AK5: variants seen among roughly 807,000 people sequenced by gnomAD.
AK5 encodes adenylate kinase isoenzyme 5.
In AK5, 27 loss-of-function variants were observed where a neutral mutation model predicts 69.5. The ratio of observed to expected loss-of-function variants is 0.39; its 90% CI spans 0.29 to 0.54. AK5 has a LOEUF of 0.54. AK5 is among the 20% of genes least tolerant of loss of function. The probability of loss-of-function intolerance (pLI) is 0.71; values close to 1 mark genes in which losing one functional copy is unlikely to be tolerated. For missense variants in AK5, 531 were observed against 700.4 expected (o/e 0.76, Z 2.73); for synonymous variants, 260 against 244.4 (o/e 1.06, Z -0.60).
At chr1:77,495,034 G>A (rs1226700572) in intron 10 of AK5, among the ~76,000 whole-genome samples, 2 of 151,862 alleles carry the variant, frequency 1.3e-5, no homozygotes, top group African/African-American at 4.8e-5. Flanking sequence ...TGCCTGCCTC[G>A]GCCTCCTGAA....
intron 5 of AK5, among the ~76,000 whole-genome samples, chr1:77,300,210 C>T (rs777225526): frequency 1.3e-5 from 2 of 152,198 alleles, no homozygotes; most frequent in Admixed American, 1.3e-4. Context: ...TACATCTTCT[C>T]TTATATAGCC....
intron 10 of AK5, among the ~76,000 whole-genome samples, chr1:77,511,864 G>C (rs1432354887): frequency 1.3e-5 from 2 of 152,206 alleles, no homozygotes; most frequent in Non-Finnish European, 2.9e-5. Flanking sequence ...GAGCTCAAAG[G>C]GAATGGGCCA....
At chr1:77,426,139 T>C (rs555262010) in intron 8 of AK5, among the ~76,000 whole-genome samples, 259 of 152,318 alleles carry the variant, frequency 1.7e-3, no homozygotes, top group African/African-American at 5.8e-3. Flanking sequence ...ATATCAATAA[T>C]CACTTTAAAT....
chr1:77,439,198 A>C (rs1652153558), intron 8 of AK5, among the ~76,000 whole-genome samples: 1 of 152,180 alleles, frequency 6.6e-6, no homozygotes. Context: ...TTGCCATGGG[A>C]ATACATTTGC....
rs138323104 is a variant in AK5, at chr1:77,438,943, T to A, written c.1059+21228T>A. Among the ~76,000 whole-genome samples, 235 of 152,188 alleles carry A rather than the reference T, an allele frequency of 1.5e-3. 1 individual carries two copies. Among genetic ancestry groups the A allele is most frequent in the Non-Finnish European group, 2.8e-3 (188 of 67,998 alleles). ...TACAATCAAATCAGATCCCAAATAA[T>A]GTCCAAAAAACTCACCAAAGGGAGA... On this transcript the variant is annotated intron_variant, in intron 8 of 13. Transcript: ENST00000354567.
At position 77,529,128 on chromosome 1, in the gene AK5, GATA is replaced by G. The variant is rs375985966; in HGVS notation, c.1429-6715_1429-6713del. Among the ~76,000 whole-genome samples the G allele has an allele frequency of 7.9e-3, 1,198 of 151,904 alleles. 25 individuals carry two copies. Among genetic ancestry groups the G allele is most frequent in the African/African-American group, 0.028 (1,145 of 41,440 alleles). The stretch of plus-strand genomic sequence containing the variant: ...AACAAAGAATAACTAACCACCCAGT[GATA>G]ATACCTATTAATATTTAATGTATGT... On this transcript the variant is annotated intron_variant, in intron 12 of 13. Transcript: ENST00000354567.
intron 6 of AK5, among the ~76,000 whole-genome samples, chr1:77,394,802 GCAACAA>G (rs1156390831): frequency 3.3e-5 from 5 of 152,020 alleles, no homozygotes; most frequent in Non-Finnish European, 5.9e-5. Context: ...CATACTATCC[GCAACAA>G]ATGTATGTAC....
Position 77,483,301 on chromosome 1 carries a change from G to A in AK5, c.1060-16G>A. ...CCTGCTGTTATTATTATCTAATATT[G>A]TGATTTTTTTAACAGGGTGATGACC... is the stretch of plus-strand genomic sequence containing the variant. On this transcript the variant is annotated splice_polypyrimidine_tract_variant and intron_variant, in intron 8 of 13. Transcript: ENST00000354567. 3 of 1,601,020 alleles carry A rather than the reference G, an allele frequency of 1.9e-6. No individual in the cohort carries two copies. The highest frequency in any genetic ancestry group is 2.6e-6 in the Non-Finnish European group (3 of 1,168,192).
At chr1:77,493,761 G>A (rs1010194093) in intron 10 of AK5, among the ~76,000 whole-genome samples, 5 of 152,148 alleles carry the variant, frequency 3.3e-5, no homozygotes, top group African/African-American at 1.2e-4. Context: ...CAGGATGGTA[G>A]AGTAAAGAAA....
intron 8 of AK5, among the ~76,000 whole-genome samples, chr1:77,470,761 C>T (rs954201884): frequency 6.9e-6 from 1 of 145,892 alleles, no homozygotes; most frequent in African/African-American, 2.5e-5. Context: ...TGAGCACAAA[C>T]ACAACCCAGT....
At chr1:77,333,148 G>A (rs1048878577) in intron 5 of AK5, among the ~76,000 whole-genome samples, 1 of 151,980 alleles carries the variant, frequency 6.6e-6, no homozygotes, top group Non-Finnish European at 1.5e-5. Context: ...TGTCTTCATG[G>A]TATGTTTTCT....
chr1:77,559,959 A>G lies in AK5; in HGVS notation c.*1289A>G, dbSNP rs1660358486. The stretch of plus-strand genomic sequence containing the variant: ...GATATGTACAAATAAAATAAATGGA[A>G]GACAGGATAACTCTTTTTCTATTTA... On this transcript the variant is annotated 3_prime_UTR_variant, in exon 14 of 14. Transcript: ENST00000354567. 1 of 152,632 alleles carries G rather than the reference A, an allele frequency of 6.6e-6. No individual in the cohort carries two copies. Among genetic ancestry groups the G allele is most frequent in the African/African-American group, 2.4e-5 (1 of 41,448 alleles). The allele number at this position is 152,632 out of a possible 1,614,324, so 9.5% of individuals were successfully genotyped here.
chr1:77,291,961 A>C (rs1048776722), intron 2 of AK5, among the ~76,000 whole-genome samples: 2 of 152,212 alleles, frequency 1.3e-5, no homozygotes, highest in African/African-American at 2.4e-5. Flanking sequence ...GACAAGAAGC[A>C]GTCAGCCATG....
chr1:77,419,729 T>G (rs1444798730), intron 8 of AK5, among the ~76,000 whole-genome samples: 1 of 152,210 alleles, frequency 6.6e-6, no homozygotes. Flanking sequence ...GTTCAACATA[T>G]TCTAAAAGGA....
intron 5 of AK5, among the ~76,000 whole-genome samples, chr1:77,302,501 A>G (rs1168188740): frequency 6.6e-6 from 1 of 152,174 alleles, no homozygotes; most frequent in Non-Finnish European, 1.5e-5. Flanking sequence ...TCTCATTTTA[A>G]TGACAATTAG....
intron 5 of AK5, among the ~76,000 whole-genome samples, chr1:77,308,521 G>A (rs1659771605): frequency 6.6e-6 from 1 of 151,572 alleles, no homozygotes; most frequent in Non-Finnish European, 1.5e-5. Flanking sequence ...ATCAAGATGG[G>A]CAAGCATGGG....
intron 8 of AK5, among the ~76,000 whole-genome samples, chr1:77,437,749 G>A (rs1183833652): frequency 1.3e-5 from 2 of 152,114 alleles, no homozygotes; most frequent in Non-Finnish European, 2.9e-5. Context: ...ATTAGTCGAT[G>A]CAGGCAGGAA....
chr1:77,558,032 ATATTT>A (rs1660211327), intron 13 of AK5, among the ~76,000 whole-genome samples: 1 of 151,136 alleles, frequency 6.6e-6, no homozygotes, highest in African/African-American at 2.4e-5. Context: ...TGAGTAATAT[ATATTT>A]AAGTTTAGTG....
intron 5 of AK5, among the ~76,000 whole-genome samples, chr1:77,307,236 C>G (rs1659691252): frequency 6.6e-6 from 1 of 151,352 alleles, no homozygotes; most frequent in African/African-American, 2.4e-5. Context: ...GCACTTATAG[C>G]TATAAACTTC....
Sources: gnomAD v4.1 joint callset for allele counts (sites outside exome capture counted in the v4.1 genomes callset) on GRCh38, gnomAD v4.1.1 for gene constraint, MANE v1.5 for transcripts, NCBI Gene and HGNC (gene_info 2026-07-23, HGNC 2026-07-21) for gene names.